RGS8: variants seen among roughly 807,000 people sequenced by gnomAD.
RGS8 encodes regulator of G-protein signaling 8.
Under a neutral mutation model 21.7 loss-of-function variants are expected in RGS8, and 8 were observed. That is an observed-to-expected ratio of 0.37 (90% CI 0.22 to 0.66). The LOEUF (loss-of-function observed/expected upper bound fraction) is 0.66, where lower values mean the gene tolerates loss of function less well. RGS8 is among the 30% of genes least tolerant of loss of function. RGS8 has a pLI of 0.59. For missense variants in RGS8, 157 were observed against 217.9 expected, an observed-to-expected ratio of 0.72 and a Z score of 1.76; for synonymous variants, 80 against 83.6, an observed-to-expected ratio of 0.96 and a Z score of 0.24.
upstream of RGS8, among the ~76,000 whole-genome samples, chr1:182,673,148 C>A (rs1187993398): frequency 6.6e-6 from 1 of 152,214 alleles, no homozygotes; most frequent in Non-Finnish European, 1.5e-5. Flanking sequence ...GACACATAGC[C>A]TTTGCTGCAA....
At chr1:182,659,781 CT>C (rs1663493460) in intron 5 of RGS8, among the ~76,000 whole-genome samples, 1 of 151,636 alleles carries the variant, frequency 6.6e-6, no homozygotes, top group Non-Finnish European at 1.5e-5. Context: ...AAATATTGGT[CT>C]AGTTAGTTTG....
At chr1:182,669,051 G>A (rs1297285032) in intron 3 of RGS8, among the ~76,000 whole-genome samples, 1 of 152,164 alleles carries the variant, frequency 6.6e-6, no homozygotes, top group East Asian at 1.9e-4. Flanking sequence ...GTTTAGCAGG[G>A]ACCAGTGTAA....
chr1:182,714,764 A>G, the RGS8 span, among the ~76,000 whole-genome samples: 22 of 152,222 alleles, frequency 1.4e-4, no homozygotes, highest in Admixed American at 1.1e-3. Flanking sequence ...AATAGTTTCC[A>G]TATAACACCA....
the RGS8 span, among the ~76,000 whole-genome samples, chr1:182,741,090 G>GC: frequency 2.6e-5 from 4 of 151,538 alleles, no homozygotes; most frequent in East Asian, 2.0e-4. Context: ...AGACGGGGTG[G>GC]TGGCCGGGCA....
At chr1:182,651,059 C>T (rs1282653630) in intron 5 of RGS8, among the ~76,000 whole-genome samples, 1 of 152,162 alleles carries the variant, frequency 6.6e-6, no homozygotes, top group Non-Finnish European at 1.5e-5. Context: ...CCTCCTGCTC[C>T]CATTCCTACA....
chr1:182,719,461 C>CCT, the RGS8 span, among the ~76,000 whole-genome samples: 4 of 140,666 alleles, frequency 2.8e-5, no homozygotes, highest in African/African-American at 1.1e-4. Flanking sequence ...TTTCTTTCTT[C>CCT]TTTTTTTTTT....
At chr1:182,708,158 C>A in the RGS8 span, among the ~76,000 whole-genome samples, 1 of 152,114 alleles carries the variant, frequency 6.6e-6, no homozygotes, top group East Asian at 1.9e-4. Context: ...GACGTCTGAC[C>A]CCAAACTCCT....
At chr1:182,677,786 T>A (rs1052511817), upstream of RGS8, among the ~76,000 whole-genome samples, 4 of 152,226 alleles carry the variant, frequency 2.6e-5, no homozygotes, top group Admixed American at 6.5e-5. Flanking sequence ...AATTTCAAAG[T>A]TAAATTTTGG....
the RGS8 span, among the ~76,000 whole-genome samples, chr1:182,746,003 C>T: frequency 2.0e-5 from 3 of 152,196 alleles, no homozygotes; most frequent in Non-Finnish European, 4.4e-5. Context: ...TTCTTTTAGT[C>T]CAAGTTCTGC....
the RGS8 span, among the ~76,000 whole-genome samples, chr1:182,728,330 T>G: frequency 6.6e-6 from 1 of 152,198 alleles, no homozygotes; most frequent in African/African-American, 2.4e-5. Flanking sequence ...CAAAAAATGC[T>G]CCTGATAGCG....
chr1:182,706,495 T>A, the RGS8 span, among the ~76,000 whole-genome samples: 1 of 151,342 alleles, frequency 6.6e-6, no homozygotes, highest in African/African-American at 2.4e-5. Context: ...AGACAGAGTC[T>A]CACTTTTGCT....
At chr1:182,708,928 G>C in the RGS8 span, among the ~76,000 whole-genome samples, 1 of 152,214 alleles carries the variant, frequency 6.6e-6, no homozygotes, top group African/African-American at 2.4e-5. Flanking sequence ...GAAGCTTGGG[G>C]CAGGGAAAGG....
At chr1:182,742,340 G>A in the RGS8 span, among the ~76,000 whole-genome samples, 61 of 151,338 alleles carry the variant, frequency 4.0e-4, 1 homozygote, top group Non-Finnish European at 6.5e-4. Context: ...ACGGGGTGGC[G>A]GCCGGGCAGA....
At chr1:182,671,520 G>A (rs926178987) in intron 2 of RGS8, 137 bp downstream of exon 3, 4 of 710,584 alleles carry the variant, frequency 5.6e-6, no homozygotes, top group African/African-American at 1.8e-5. Context: ...TTTACAAAGA[G>A]GGGGAGAGAA....
At chr1:182,734,461 T>G in the RGS8 span, 51 of 152,346 alleles carry the variant, frequency 3.3e-4, no homozygotes, top group African/African-American at 1.1e-3. Flanking sequence ...TAGAAGATTC[T>G]CATCAATAAG....
At position 182,671,747 on chromosome 1, in the gene RGS8, T is replaced by A. The variant is rs758048889; in HGVS notation, c.-177-17A>T. 9 of 1,613,736 alleles carry A rather than the reference T, an allele frequency of 5.6e-6. No homozygotes were observed. In the Admixed American group the frequency reaches 1.3e-4, roughly 24 times the overall value. On this transcript the variant is annotated splice_polypyrimidine_tract_variant and intron_variant, in intron 1 of 6. Transcript: ENST00000483095. ...TAAGGTGTTCTGGGGAAAAAGTAGA[T>A]CTTTCTTTTAGCAGTCAAATCCTCG...
At chr1:182,750,484 G>C in the RGS8 span, among the ~76,000 whole-genome samples, 1 of 152,104 alleles carries the variant, frequency 6.6e-6, no homozygotes, top group African/African-American at 2.4e-5. Flanking sequence ...AGGTTGAATT[G>C]CTTCTGACAT....
At chr1:182,680,955 C>T (rs1394279689) in intron 1 of RGS8, among the ~76,000 whole-genome samples, 1 of 152,224 alleles carries the variant, frequency 6.6e-6, no homozygotes, top group African/African-American at 2.4e-5. Context: ...CCCTTTATGG[C>T]AGGCTCTCCT....
intron 1 of RGS8, among the ~76,000 whole-genome samples, chr1:182,682,782 G>C (rs2102458619): frequency 6.6e-6 from 1 of 152,304 alleles, no homozygotes; most frequent in Non-Finnish European, 1.5e-5. Flanking sequence ...CCATGGCTGA[G>C]ATCCACACTT....
Sources: gnomAD v4.1 joint callset for allele counts (sites outside exome capture counted in the v4.1 genomes callset) on GRCh38, gnomAD v4.1.1 for gene constraint, MANE v1.5 for transcripts, NCBI Gene and HGNC (gene_info 2026-07-23, HGNC 2026-07-21) for gene names.